CYP19A1: variants seen among roughly 807,000 people sequenced by gnomAD.
The protein encoded by CYP19A1 is aromatase.
CYP19A1 carries 32 observed loss-of-function variants against 44.4 expected under a neutral mutation model. The ratio of observed to expected loss-of-function variants is 0.72; its 90% confidence interval spans 0.54 to 0.97. The LOEUF (loss-of-function observed/expected upper bound fraction) is 0.97, where lower values mean the gene tolerates loss of function less well. Ranked by LOEUF, CYP19A1 falls within the 50% of genes least tolerant of loss-of-function variation. The pLI, the probability that CYP19A1 is intolerant of heterozygous loss-of-function variation, is 0.00. For missense variants in CYP19A1, 598 were observed against 637.8 expected, an observed-to-expected ratio of 0.94 and a Z score of 0.67; for synonymous variants, 212 against 215.6, an observed-to-expected ratio of 0.98 and a Z score of 0.14.
At chr15:51,270,080 A>C (rs2035068567) in intron 1 of CYP19A1, among the ~76,000 whole-genome samples, 2 of 152,054 alleles carry the variant, frequency 1.3e-5, no homozygotes, top group African/African-American at 4.8e-5. Context: ...GATATATCTC[A>C]CCATATATTT....
intron 1 of CYP19A1, among the ~76,000 whole-genome samples, chr15:51,268,526 C>G (rs993820397): frequency 2.1e-5 from 3 of 140,458 alleles, no homozygotes; most frequent in African/African-American, 5.0e-5. Flanking sequence ...CCTTCCCCCC[C>G]CCCCTTTTTT....
At chr15:51,337,833 A>T (rs185648991) in intron 1 of CYP19A1, 1 of 152,428 alleles carries the variant, frequency 6.6e-6, no homozygotes, top group East Asian at 1.9e-4. Context: ...AGGCCATATC[A>T]ACATGTCCCC....
chr15:51,242,434 T>G (rs1193078968), intron 2 of CYP19A1, among the ~76,000 whole-genome samples: 1 of 152,026 alleles, frequency 6.6e-6, no homozygotes, highest in African/African-American at 2.4e-5. Context: ...TTGCAATCTA[T>G]TTTTTAAAAG....
At chr15:51,331,324 G>C (rs902214414) in intron 1 of CYP19A1, among the ~76,000 whole-genome samples, 25 of 152,212 alleles carry the variant, frequency 1.6e-4, no homozygotes, top group African/African-American at 6.0e-4. Context: ...GAGTAGACTA[G>C]AATGAGAGCT....
chr15:51,218,210 A>G (rs1475072726), intron 6 of CYP19A1, among the ~76,000 whole-genome samples: 2 of 152,138 alleles, frequency 1.3e-5, no homozygotes, highest in Non-Finnish European at 2.9e-5. Context: ...TGCAAAGATA[A>G]TTTTGACAGA....
At chr15:51,223,593 T>TCTCTCCCACACA (rs1356666512) in intron 4 of CYP19A1, among the ~76,000 whole-genome samples, 1 of 90,146 alleles carries the variant, frequency 1.1e-5, no homozygotes, top group African/African-American at 4.2e-5. Flanking sequence ...TCTCTCTCTC[T>TCTCTCCCACACA]CACACACACA....
At chr15:51,325,381 G>A (rs564568925) in intron 1 of CYP19A1, among the ~76,000 whole-genome samples, 7 of 152,170 alleles carry the variant, frequency 4.6e-5, no homozygotes, top group South Asian at 2.1e-4. Flanking sequence ...ATAGATATTC[G>A]CCTCCCCTGC....
At chr15:51,235,722 G>A (rs1195127889) in intron 3 of CYP19A1, among the ~76,000 whole-genome samples, 1 of 152,172 alleles carries the variant, frequency 6.6e-6, no homozygotes, top group Non-Finnish European at 1.5e-5. Context: ...ATGAGATGAT[G>A]TATGTAATCT....
chr15:51,334,657 G>A (rs1223750765), intron 1 of CYP19A1, among the ~76,000 whole-genome samples: 1 of 152,156 alleles, frequency 6.6e-6, no homozygotes, highest in Non-Finnish European at 1.5e-5. Context: ...AGGTGAAAAA[G>A]GAAAAGATTT....
chr15:51,263,350 G>A lies in CYP19A1; in HGVS notation c.-38-20400C>T, dbSNP rs2034799667. On this transcript the variant is annotated intron_variant, in intron 1 of 9. Transcript: ENST00000396402. ...CCACGACAAGAGCAGTTTCTGCAAT[G>A]TGGTGAAGCAGGAAGCCAGAATGGA... 2.0e-5 allele frequency among the ~76,000 whole-genome samples: 3 copies of A among 152,338 alleles called. No individual in the cohort carries two copies. The South Asian group carries it at 6.2e-4, about 32-fold the overall frequency.
chr15:51,299,075 G>A (rs981088454), intron 1 of CYP19A1, among the ~76,000 whole-genome samples: 3 of 152,216 alleles, frequency 2.0e-5, no homozygotes, highest in Non-Finnish European at 2.9e-5. Context: ...AAAGAGGTGA[G>A]GGGCCTTCCG....
intron 1 of CYP19A1, 168 bp from the exon 2 acceptor site, chr15:51,243,118 C>G (rs1004685495): frequency 3.4e-6 from 2 of 587,618 alleles, no homozygotes; most frequent in Middle Eastern, 4.7e-4. Flanking sequence ...ACAAGGAAGC[C>G]CAAGAAAGAT....
chr15:51,247,708 C>G (rs1253839039), intron 1 of CYP19A1, among the ~76,000 whole-genome samples: 1 of 152,132 alleles, frequency 6.6e-6, no homozygotes, highest in African/African-American at 2.4e-5. Flanking sequence ...CTCCTGACCT[C>G]AAGTGATCCG....
chr15:51,267,796 G>A (rs1595739052), intron 1 of CYP19A1, among the ~76,000 whole-genome samples: 1 of 152,198 alleles, frequency 6.6e-6, no homozygotes, highest in African/African-American at 2.4e-5. Flanking sequence ...ACCCTATGGC[G>A]GATTGCCATT....
chr15:51,255,417 G>C (rs1177203891), intron 1 of CYP19A1: 1 of 152,182 alleles, frequency 6.6e-6, no homozygotes, highest in African/African-American at 2.4e-5. Context: ...AACAGAGAAC[G>C]GTCCCTTGTC....
At chr15:51,289,401 A>AGCCCCT (rs996129745) in intron 1 of CYP19A1, among the ~76,000 whole-genome samples, 1 of 152,170 alleles carries the variant, frequency 6.6e-6, no homozygotes, top group African/African-American at 2.4e-5. Flanking sequence ...GCTCTCCTAG[A>AGCCCCT]GCCCCTGCCC....
intron 1 of CYP19A1, among the ~76,000 whole-genome samples, chr15:51,300,144 G>A (rs2036081968): frequency 6.6e-6 from 1 of 152,164 alleles, no homozygotes; most frequent in South Asian, 2.1e-4. Context: ...ACTGACCCCA[G>A]TTTGAGTAAA....
At chr15:51,314,338 G>A (rs2036379939) in intron 1 of CYP19A1, among the ~76,000 whole-genome samples, 1 of 152,024 alleles carries the variant, frequency 6.6e-6, no homozygotes, top group Non-Finnish European at 1.5e-5. Context: ...TGGGAAAGAG[G>A]GACTTTTTGC....
At chr15:51,235,486 C>T (rs2033334410) in intron 3 of CYP19A1, among the ~76,000 whole-genome samples, 1 of 152,180 alleles carries the variant, frequency 6.6e-6, no homozygotes, top group Non-Finnish European at 1.5e-5. Flanking sequence ...GATGTTTCCA[C>T]CTGAAGCCAT....
Sources: allele counts gnomAD v4.1 joint callset (sites outside exome capture counted in the v4.1 genomes callset), GRCh38; gene constraint gnomAD v4.1.1; transcripts MANE v1.5; gene names NCBI Gene and HGNC (gene_info 2026-07-23, HGNC 2026-07-21).